The following SHANK2 variants were observed in gnomAD, a reference collection of about 807,000 sequenced individuals.
SHANK2 encodes the protein SH3 and multiple ankyrin repeat domains 2, also known as SH3 and multiple ankyrin repeat domains protein 2.
SHANK2 carries 43 observed loss-of-function variants against 133.7 expected under a neutral mutation model. The observed-to-expected ratio is 0.32, with a 90% CI of 0.25 to 0.41. SHANK2 has a LOEUF of 0.41. SHANK2 is among the 10% of genes least tolerant of loss of function. The pLI is 1.00. For synonymous variants in SHANK2, 1,017 were observed against 952.8 expected (o/e 1.07, Z -1.24); for missense variants, 1,994 against 2,235.8 (o/e 0.89, Z 2.18).
At chr11:71,075,748 A>G (rs1342905868) in intron 8 of SHANK2, among the ~76,000 whole-genome samples, 3 of 152,172 alleles carry the variant, frequency 2.0e-5, no homozygotes, top group African/African-American at 2.4e-5. Context: ...CATCCACAGG[A>G]GTGAGCCCTG....
chr11:70,602,832 T>C (rs2060518808), intron 17 of SHANK2, among the ~76,000 whole-genome samples: 1 of 152,232 alleles, frequency 6.6e-6, no homozygotes, highest in Non-Finnish European at 1.5e-5. Flanking sequence ...ACATGCATGA[T>C]GTATGTTTAT....
intron 17 of SHANK2, among the ~76,000 whole-genome samples, chr11:70,563,168 C>T (rs782167627): frequency 2.6e-5 from 4 of 152,176 alleles, no homozygotes; most frequent in Admixed American, 6.5e-5. Context: ...TGTGCCTGGC[C>T]GGGTTGATAA....
chr11:70,517,763 C>CTGTT (rs1192803768), intron 17 of SHANK2, among the ~76,000 whole-genome samples: 1 of 152,178 alleles, frequency 6.6e-6, no homozygotes, highest in East Asian at 1.9e-4. Context: ...TGAGGCTGTT[C>CTGTT]TGTTTGATAC....
Position 70,739,628 on chromosome 11 carries a change from C to T in SHANK2, c.1778-40865G>A, listed in dbSNP as rs61886452. On this transcript the variant is annotated intron_variant, in intron 14 of 25. Transcript: ENST00000601538. The surrounding 1 kb of genome is among the most constrained non-coding windows in gnomAD (Gnocchi z 4.3). ...GTTGGTCCAGGGTCCCACCACCAGC[C>T]AGGGTCAGCTGGGCCCCAGGGAGGC... Among the ~76,000 whole-genome samples, 17,577 of 152,212 alleles carry T rather than the reference C, an allele frequency of 0.12. 1,295 individuals carry two copies. The highest frequency in any genetic ancestry group is 0.28 in the South Asian group (1,361 of 4,816).
intron 10 of SHANK2, among the ~76,000 whole-genome samples, chr11:70,906,299 G>A (rs773003143): frequency 1.4e-4 from 21 of 152,194 alleles, no homozygotes; most frequent in South Asian, 4.1e-4. Context: ...CGGGACTGTC[G>A]CCTTTGAGTG....
At chr11:70,612,750 T>C (rs2060677777) in intron 17 of SHANK2, among the ~76,000 whole-genome samples, 1 of 152,246 alleles carries the variant, frequency 6.6e-6, no homozygotes, top group African/African-American at 2.4e-5. Flanking sequence ...AAACAATACA[T>C]GGATTCCCTT....
chr11:70,635,142 G>A (rs1386734888), intron 17 of SHANK2: 1 of 152,212 alleles, frequency 6.6e-6, no homozygotes, highest in African/African-American at 2.4e-5. Flanking sequence ...AACATGGCAT[G>A]GCTGCTCCTC....
At chr11:70,918,202 C>T (rs1402199704) in intron 10 of SHANK2, among the ~76,000 whole-genome samples, 1 of 152,158 alleles carries the variant, frequency 6.6e-6, no homozygotes, top group African/African-American at 2.4e-5. Flanking sequence ...CTCCCAAAGG[C>T]AGAACGCTTG....
chr11:70,851,368 T>C (rs1203062008), intron 11 of SHANK2, among the ~76,000 whole-genome samples: 1 of 152,196 alleles, frequency 6.6e-6, no homozygotes, highest in African/African-American at 2.4e-5. Flanking sequence ...AACATGGCTG[T>C]CCACTTAAGA....
chr11:70,942,335 G>C (rs1205137858), intron 10 of SHANK2, among the ~76,000 whole-genome samples: 1 of 152,158 alleles, frequency 6.6e-6, no homozygotes, highest in Non-Finnish European at 1.5e-5. Flanking sequence ...GTAGACACAT[G>C]CAAGGAGGAA....
In SHANK2 at chr11:70,491,406, A is replaced by G. The variant is rs141608852; in HGVS notation, c.2439+929T>C. ...AGGACTGGGAACAAAGTGGGAGGCA[A>G]GGACCGGCAGGCAGGGCCTGGAGGG... On this transcript the variant is annotated intron_variant, in intron 22 of 25. Transcript: ENST00000601538. 9.2e-5 allele frequency among the ~76,000 whole-genome samples: 14 copies of G among 152,340 alleles called. No homozygotes were observed. The East Asian group carries it at 2.5e-3, about 27-fold the overall frequency.
At chr11:70,648,764 T>C (rs1278683259) in intron 17 of SHANK2, among the ~76,000 whole-genome samples, 1 of 151,980 alleles carries the variant, frequency 6.6e-6, no homozygotes, top group African/African-American at 2.4e-5. Context: ...GGGGAAGGGG[T>C]TTGGGAGGAA....
At chr11:70,870,202 G>C (rs930727901) in intron 11 of SHANK2, among the ~76,000 whole-genome samples, 1 of 152,220 alleles carries the variant, frequency 6.6e-6, no homozygotes, top group Non-Finnish European at 1.5e-5. Flanking sequence ...CCCAGGCAGA[G>C]TGTGCTCCAC....
chr11:70,790,452 C>T (rs1235124568), intron 14 of SHANK2, among the ~76,000 whole-genome samples: 4 of 152,228 alleles, frequency 2.6e-5, no homozygotes, highest in African/African-American at 9.6e-5. Flanking sequence ...CATTTACAGT[C>T]TGTTGGCTTG....
intron 2 of SHANK2, among the ~76,000 whole-genome samples, chr11:71,190,017 T>G (rs984528440): frequency 1.3e-5 from 2 of 152,204 alleles, no homozygotes; most frequent in East Asian, 3.9e-4. Flanking sequence ...ACAGCTGACT[T>G]GCTCCCAGCA....
intron 1 of SHANK2, among the ~76,000 whole-genome samples, chr11:71,236,016 G>A (rs1954822286): frequency 6.6e-6 from 1 of 152,222 alleles, no homozygotes; most frequent in South Asian, 2.1e-4. Context: ...GCCAGGACCA[G>A]GAGGAAGCCA....
At position 70,873,700 on chromosome 11, in the gene SHANK2, C is replaced by T. The variant is rs535892883; in HGVS notation, c.1174+22801G>A. Among the ~76,000 whole-genome samples, 30 of 152,202 alleles carry T rather than the reference C, an allele frequency of 2.0e-4. No individual in the cohort carries two copies. In the South Asian group the frequency reaches 4.8e-3, roughly 24 times the overall value. On this transcript the variant is annotated intron_variant, in intron 11 of 25. Coordinates refer to ENST00000601538, the MANE Select transcript of SHANK2 (RefSeq NM_012309.5). ...CTCACTCTGCAAAGGACATTGAGTG[C>T]GTCCCCTGCTCACAGCCAGCCATTG...
At position 70,485,256 on chromosome 11, in the gene SHANK2, T is replaced by C; in HGVS notation, c.4979+58A>G. 1 of 1,493,114 alleles carries C rather than the reference T, an allele frequency of 6.7e-7. No individual in the cohort carries two copies. The highest frequency in any genetic ancestry group is 9.3e-7 in the Non-Finnish European group (1 of 1,075,236). 92.5% of individuals were successfully genotyped at this position (1,493,114 alleles called of 1,614,324 possible). A position where few individuals can be genotyped will look rare whatever the true frequency, so the allele number is the denominator to read the frequency against. ...GGGGCTGCTACCCGAGGGCCTTTCCTGGTCAGCAGGGACAGTGCACGCAGA... is the reference window on the plus strand; with the variant it reads ...GGGGCTGCTACCCGAGGGCCTTTCCCGGTCAGCAGGGACAGTGCACGCAGA... On this transcript the variant is annotated intron_variant, in intron 25 of 25. Coordinates refer to ENST00000601538, the MANE Select transcript of SHANK2 (RefSeq NM_012309.5). This position sits in a 1 kb window ranked among gnomAD's most constrained non-coding sequence, Gnocchi z 5.8.
intron 17 of SHANK2, among the ~76,000 whole-genome samples, chr11:70,606,103 G>C (rs145682221): frequency 0.014 from 2,174 of 152,174 alleles, 59 homozygotes; most frequent in African/African-American, 0.05. Context: ...TGCATGGCAG[G>C]GGGGCAGCTG....
Sources: allele counts gnomAD v4.1 joint callset (sites outside exome capture counted in the v4.1 genomes callset), GRCh38; gene constraint gnomAD v4.1.1; non-coding constraint Gnocchi (gnomAD v3.1); transcripts MANE v1.5; gene names NCBI Gene and HGNC (gene_info 2026-07-23, HGNC 2026-07-21).